TNRC6B: variants seen among roughly 807,000 people sequenced by gnomAD.
TNRC6B encodes trinucleotide repeat containing adaptor 6B.
TNRC6B carries 52 observed loss-of-function variants against 203.6 expected under a neutral mutation model. The ratio of observed to expected loss-of-function variants is 0.26; its 90% CI spans 0.20 to 0.32. The LOEUF (loss-of-function observed/expected upper bound fraction) is 0.32. Ranked by LOEUF, TNRC6B falls within the 10% of genes least tolerant of loss-of-function variation. The pLI, the probability that TNRC6B is intolerant of heterozygous loss-of-function variation, is 1.00. For synonymous variants in TNRC6B, 838 were observed against 845.7 expected (o/e 0.99, Z 0.16); for missense variants, 1,923 against 2,286.2 (o/e 0.84, Z 3.24).
chr22:40,199,161 C>T (rs1183629126), intron 1 of TNRC6B, among the ~76,000 whole-genome samples: 1 of 152,106 alleles, frequency 6.6e-6, no homozygotes, highest in African/African-American at 2.4e-5. Context: ...GGATTAGAAC[C>T]TGCTGAGTAA....
chr22:40,317,289 G>C (rs1359006847), intron 21 of TNRC6B, among the ~76,000 whole-genome samples: 1 of 152,180 alleles, frequency 6.6e-6, no homozygotes, highest in East Asian at 1.9e-4. Flanking sequence ...GTTTATAAAT[G>C]CTACATGGGG....
intron 16 of TNRC6B, among the ~76,000 whole-genome samples, chr22:40,309,464 A>G (rs1186270956): frequency 6.6e-6 from 1 of 152,200 alleles, no homozygotes; most frequent in Non-Finnish European, 1.5e-5. Context: ...AGGCTGGTGA[A>G]ATGCCCACGT....
At chr22:40,317,639 A>G (rs527374591) in intron 21 of TNRC6B, among the ~76,000 whole-genome samples, 1 of 152,332 alleles carries the variant, frequency 6.6e-6, no homozygotes, top group South Asian at 2.1e-4. Flanking sequence ...CTTCACGTGT[A>G]GATGGCATTA....
At chr22:40,235,987 A>G (rs1271013974) in intron 1 of TNRC6B, among the ~76,000 whole-genome samples, 2 of 152,190 alleles carry the variant, frequency 1.3e-5, no homozygotes, top group Admixed American at 6.5e-5. Context: ...AATTTTTGAG[A>G]TAATTGTAGG....
At chr22:40,068,215 C>T (rs563925408) in intron 1 of TNRC6B, among the ~76,000 whole-genome samples, 4 of 152,252 alleles carry the variant, frequency 2.6e-5, no homozygotes, top group African/African-American at 7.2e-5. Context: ...TCTGTAATTT[C>T]ATCTTTTTAG....
chr22:40,301,896 G>A (rs1026395550), intron 15 of TNRC6B, among the ~76,000 whole-genome samples: 7 of 152,094 alleles, frequency 4.6e-5, no homozygotes, highest in African/African-American at 1.2e-4. Flanking sequence ...TCCTACCGCC[G>A]GGAATTTTTA....
At chr22:40,173,140 T>G (rs1468952300), upstream of TNRC6B, among the ~76,000 whole-genome samples, 1 of 152,104 alleles carries the variant, frequency 6.6e-6, no homozygotes, top group East Asian at 1.9e-4. Context: ...TTTTTTGAGA[T>G]GGAGTCTCGC....
intron 4 of TNRC6B, among the ~76,000 whole-genome samples, chr22:40,163,329 T>C (rs997259257): frequency 1.8e-4 from 25 of 139,662 alleles, no homozygotes; most frequent in African/African-American, 5.7e-4. Flanking sequence ...GCCTGAGAGG[T>C]AGTGGTGGCA....
intron 12 of TNRC6B, among the ~76,000 whole-genome samples, chr22:40,289,957 T>C (rs1472346826): frequency 6.6e-6 from 1 of 152,228 alleles, no homozygotes; most frequent in East Asian, 1.9e-4. Flanking sequence ...CCATGTTCAT[T>C]GCATCAGTAA....
chr22:40,299,170 A>AC (rs1004144477), intron 12 of TNRC6B, among the ~76,000 whole-genome samples: 1 of 151,692 alleles, frequency 6.6e-6, no homozygotes, highest in African/African-American at 2.4e-5. Context: ...AAAAAAAAAA[A>AC]AAAACAAAAC....
intron 1 of TNRC6B, among the ~76,000 whole-genome samples, chr22:40,094,723 C>T (rs1017698541): frequency 6.6e-6 from 1 of 152,182 alleles, no homozygotes; most frequent in Non-Finnish European, 1.5e-5. Flanking sequence ...TAAGCACTAG[C>T]TTGTGGAAAG....
rs1312693403 is a variant in TNRC6B at position 40,280,015 on chromosome 22, T to A, written c.3283T>A (p.Phe1095Ile). 1 of 1,613,732 alleles carries A rather than the reference T, an allele frequency of 6.2e-7. No individual in the cohort carries two copies. Among genetic ancestry groups the A allele is most frequent in the African/African-American group, 1.3e-5 (1 of 74,880 alleles). The change falls in exon 10 of 23, where the codon TTT becomes ATT. Residue 1095 changes from phenylalanine to isoleucine, a missense_variant. Physicochemically the swap from Phe to Ile is conservative, Grantham distance 21. This residue lies in a region of TNRC6B where 599 missense variants were observed against 656.5 expected (regional missense o/e 0.91). Transcript: ENST00000454349. ...LSVGSLSDKK[F>I]DVDKRAMNLG... ...TTCAGGAAGCCTTTCAGATAAAAAATTTGATGTGGACAAGCGAGCGATGAA... is the reference window on the plus strand; with the variant it reads ...TTCAGGAAGCCTTTCAGATAAAAAAATTGATGTGGACAAGCGAGCGATGAA...
At chr22:40,143,503 TG>T (rs964647792) in intron 3 of TNRC6B, among the ~76,000 whole-genome samples, 20 of 151,984 alleles carry the variant, frequency 1.3e-4, no homozygotes, top group African/African-American at 7.2e-5. Context: ...TCTTTTTTTG[TG>T]GGGGGGATAG....
intron 1 of TNRC6B, among the ~76,000 whole-genome samples, chr22:40,184,994 A>C (rs1296437750): frequency 6.6e-6 from 1 of 151,930 alleles, no homozygotes; most frequent in African/African-American, 2.4e-5. Flanking sequence ...AAATTTACCA[A>C]ATTTTTTTTT....
intron 1 of TNRC6B, among the ~76,000 whole-genome samples, chr22:40,207,885 G>A (rs1327000163): frequency 6.6e-6 from 1 of 152,026 alleles, no homozygotes; most frequent in Non-Finnish European, 1.5e-5. Flanking sequence ...GGCTGAGGTG[G>A]GCAGATCACG....
At chr22:40,154,894 T>TATATAC (rs1236479777) in intron 3 of TNRC6B, among the ~76,000 whole-genome samples, 17 of 38,172 alleles carry the variant, frequency 4.5e-4, no homozygotes, top group Non-Finnish European at 4.9e-4. Flanking sequence ...TATATATATA[T>TATATAC]ACATATATAT....
chr22:40,106,928 C>G lies in TNRC6B; in HGVS notation c.-120-10127C>G, dbSNP rs142245745. 3,137 of 1,030,006 alleles carry G rather than the reference C, an allele frequency of 3.0e-3. 67 individuals carry two copies. The African/African-American group carries it at 0.042, about 14-fold the overall frequency. 63.8% of individuals were successfully genotyped at this position (1,030,006 alleles called of 1,614,324 possible). ...CGCTTTTTCATGGATAAACTTCCTCCTTGCCCTTTGAAGCATCTTTTGGGC... is the reference window on the plus strand; with the variant it reads ...CGCTTTTTCATGGATAAACTTCCTCGTTGCCCTTTGAAGCATCTTTTGGGC... On this transcript the variant is annotated intron_variant, in intron 1 of 23. Coordinates refer to the TNRC6B transcript ENST00000301923.
intron 2 of TNRC6B, among the ~76,000 whole-genome samples, chr22:40,123,723 A>G (rs1776761490): frequency 6.6e-6 from 1 of 152,104 alleles, no homozygotes; most frequent in Admixed American, 6.6e-5. Flanking sequence ...CTATGCCTAT[A>G]ATGCATCATC....
At chr22:40,188,305 T>C (rs549194822) in intron 1 of TNRC6B, among the ~76,000 whole-genome samples, 2 of 152,362 alleles carry the variant, frequency 1.3e-5, no homozygotes, top group South Asian at 4.1e-4. Context: ...TTTTGGTTAC[T>C]ACATGATTTC....
Sources: allele counts gnomAD v4.1 joint callset (sites outside exome capture counted in the v4.1 genomes callset), GRCh38; gene constraint gnomAD v4.1.1; regional missense constraint gnomAD v4.1.1; transcripts MANE v1.5; gene names NCBI Gene and HGNC (gene_info 2026-07-23, HGNC 2026-07-21).